Variants in KDM2B observed in about 807,000 individuals in gnomAD.
The protein encoded by KDM2B is lysine demethylase 2B, also known as lysine-specific demethylase 2B.
A neutral mutation model predicts 150.0 loss-of-function variants in KDM2B; 26 were observed. The ratio of observed to expected loss-of-function variants is 0.17; its 90% CI spans 0.13 to 0.24. The LOEUF is 0.24. Ranked by LOEUF, KDM2B falls within the 10% of genes least tolerant of loss-of-function variation. The pLI, the probability that KDM2B is intolerant of heterozygous loss-of-function variation, is 1.00. For synonymous variants in KDM2B, 734 were observed against 729.5 expected, an observed-to-expected ratio of 1.01 and a Z score of -0.10; for missense variants, 1,265 against 1,816.9, an observed-to-expected ratio of 0.70 and a Z score of 5.52.
intron 6 of KDM2B, among the ~76,000 whole-genome samples, chr12:121,546,549 ATTTTTTTTTGG>A (rs1356703808): frequency 6.8e-6 from 1 of 147,764 alleles, no homozygotes; most frequent in Non-Finnish European, 1.5e-5. Context: ...TGCCCGGCTA[ATTTTTTTTTGG>A]TTTTTTTTTT....
the KDM2B span, among the ~76,000 whole-genome samples, chr12:121,412,549 T>G: frequency 6.6e-6 from 1 of 151,782 alleles, no homozygotes; most frequent in Non-Finnish European, 1.5e-5. Context: ...GGCCTAATTT[T>G]TGTGTTTTTA....
At chr12:121,447,148 A>T (rs1404676426) in intron 13 of KDM2B, among the ~76,000 whole-genome samples, 1 of 152,250 alleles carries the variant, frequency 6.6e-6, no homozygotes, top group South Asian at 2.1e-4. Context: ...TCCAAGTAGT[A>T]TATATCTGTG....
chr12:121,444,570 G>A (rs782014611), intron 14 of KDM2B, 34 bp from the exon 15 acceptor site: 1 of 1,593,578 alleles, frequency 6.3e-7, no homozygotes, highest in South Asian at 1.1e-5. Context: ...AAGAGGGACG[G>A]GCGGAGAAGA....
chr12:121,512,118 G>A (rs77101228), intron 10 of KDM2B, among the ~76,000 whole-genome samples: 65 of 152,284 alleles, frequency 4.3e-4, no homozygotes, highest in African/African-American at 1.4e-3. Flanking sequence ...CCCAGCCTCT[G>A]TCTCCGGGGG....
At chr12:121,426,295 C>A (rs1872507582), downstream of KDM2B, among the ~76,000 whole-genome samples, 1 of 152,102 alleles carries the variant, frequency 6.6e-6, no homozygotes, top group South Asian at 2.1e-4. Flanking sequence ...TTTGAAGTAA[C>A]CCTGGTTTAT....
intron 11 of KDM2B, among the ~76,000 whole-genome samples, chr12:121,496,294 T>C (rs1272889093): frequency 3.3e-5 from 5 of 152,182 alleles, no homozygotes; most frequent in African/African-American, 1.2e-4. Flanking sequence ...ATTCTGATCC[T>C]GGACCACGGA....
At chr12:121,479,175 C>T (rs1021940092) in intron 12 of KDM2B, among the ~76,000 whole-genome samples, 3 of 151,538 alleles carry the variant, frequency 2.0e-5, no homozygotes, top group South Asian at 2.1e-4. Context: ...CTTGGCCGGG[C>T]GCGGTGGCTC....
chr12:121,516,562 A>G, intron 9 of KDM2B: 1 of 1,439,662 alleles, frequency 6.9e-7, no homozygotes. Context: ...TTATTTGTTG[A>G]CAGACTCGGA....
chr12:121,539,796 G>A (rs782194466), intron 6 of KDM2B, among the ~76,000 whole-genome samples: 4 of 152,048 alleles, frequency 2.6e-5, no homozygotes, highest in Non-Finnish European at 4.4e-5. Flanking sequence ...CTGGAGTGGA[G>A]TGGCATGATC....
chr12:121,456,611 G>T (rs1193994099), intron 12 of KDM2B, among the ~76,000 whole-genome samples: 6 of 152,166 alleles, frequency 3.9e-5, no homozygotes, highest in Non-Finnish European at 7.3e-5. Context: ...TCAAAGGAAC[G>T]CCAGGTATCA....
intron 9 of KDM2B, chr12:121,516,575 C>A: frequency 7.1e-7 from 1 of 1,414,186 alleles, no homozygotes. Flanking sequence ...GACTCGGAGC[C>A]TCACCAAATT....
downstream of KDM2B, among the ~76,000 whole-genome samples, chr12:121,426,648 C>CA (rs1315424917): frequency 3.9e-5 from 5 of 126,630 alleles, no homozygotes; most frequent in East Asian, 2.4e-4. Context: ...TTTTTTTAGA[C>CA]AGAGTCTTGC....
chr12:121,463,453 G>A (rs942623592), intron 12 of KDM2B, among the ~76,000 whole-genome samples: 2 of 152,144 alleles, frequency 1.3e-5, no homozygotes, highest in African/African-American at 4.8e-5. Context: ...ACATGTATCC[G>A]AGAACTTAAA....
At position 121,468,328 on chromosome 12, in the gene KDM2B, A is replaced by C. The variant is rs955549420; in HGVS notation, c.1735-14984T>G. The C allele has an allele frequency of 2.1e-4, 32 of 152,222 alleles. No homozygotes were observed. The highest frequency in any genetic ancestry group is 1.5e-3 in the Admixed American group (23 of 15,278). The allele number at this position is 152,222 out of a possible 1,614,324, so 9.4% of individuals were successfully genotyped here. On this transcript the variant is annotated intron_variant, in intron 12 of 22. Coordinates refer to ENST00000377071, the MANE Select transcript of KDM2B (RefSeq NM_032590.5). This position sits in a 1 kb window ranked among gnomAD's most constrained non-coding sequence, Gnocchi z 4.0. ...TAGATCTTCATTCATTCAAAAAAAA[A>C]GTCTATCGGGCACTTAAGCCAGCAG...
chr12:121,526,143 G>C (rs1887108909), intron 8 of KDM2B, among the ~76,000 whole-genome samples: 1 of 152,182 alleles, frequency 6.6e-6, no homozygotes, highest in Non-Finnish European at 1.5e-5. Context: ...CTTGAAGTCA[G>C]GAGTTTGAAA....
chr12:121,548,015 TC>T (rs1889204070), intron 6 of KDM2B, among the ~76,000 whole-genome samples: 2 of 152,080 alleles, frequency 1.3e-5, no homozygotes, highest in Non-Finnish European at 2.9e-5. Flanking sequence ...GTTCTGTTAC[TC>T]AAGTCCTTGA....
chr12:121,440,154 G>T, intron 21 of KDM2B, 79 bp from the exon 22 acceptor site: 1 of 1,007,342 alleles, frequency 9.9e-7, no homozygotes. Flanking sequence ...ACTCTAAAAG[G>T]CCCACCAGCC....
At chr12:121,532,657 T>C in intron 8 of KDM2B, 149 bp downstream of exon 8, 1 of 770,214 alleles carries the variant, frequency 1.3e-6, no homozygotes, top group South Asian at 1.7e-5. Context: ...ACTGCACGGC[T>C]TTTCCCTCCA....
intron 11 of KDM2B, among the ~76,000 whole-genome samples, chr12:121,497,570 T>C (rs958467152): frequency 6.6e-6 from 1 of 151,730 alleles, no homozygotes; most frequent in Non-Finnish European, 1.5e-5. Flanking sequence ...CCTCCCAAAG[T>C]GCTGGGATTA....
Sources: allele counts gnomAD v4.1 joint callset (sites outside exome capture counted in the v4.1 genomes callset), GRCh38; gene constraint gnomAD v4.1.1; non-coding constraint Gnocchi (gnomAD v3.1); transcripts MANE v1.5; gene names NCBI Gene and HGNC (gene_info 2026-07-23, HGNC 2026-07-21).